EFCAB11: variants seen among roughly 807,000 people sequenced by gnomAD.
EFCAB11 encodes EF-hand calcium-binding domain-containing protein 11.
EFCAB11 carries 14 observed loss-of-function variants against 23.0 expected under a neutral mutation model. The observed-to-expected ratio is 0.61, with a 90% confidence interval of 0.40 to 0.95. The LOEUF (loss-of-function observed/expected upper bound fraction) is 0.95, where lower values mean the gene tolerates loss of function less well. EFCAB11 is among the 40% of genes least tolerant of loss of function. The pLI is 0.00. For missense variants in EFCAB11, 198 were observed against 195.8 expected (o/e 1.01, Z -0.07); for synonymous variants, 65 against 66.6 (o/e 0.98, Z 0.11).
chr14:89,885,539 G>A (rs1258700807), intron 5 of EFCAB11, among the ~76,000 whole-genome samples: 11 of 152,030 alleles, frequency 7.2e-5, no homozygotes, highest in African/African-American at 2.7e-4. Context: ...TTAGCCAGGC[G>A]TGGTAGCGTG....
At chr14:89,886,787 A>C (rs375336342) in intron 5 of EFCAB11, among the ~76,000 whole-genome samples, 1 of 152,196 alleles carries the variant, frequency 6.6e-6, no homozygotes, top group African/African-American at 2.4e-5. Context: ...AAGACTCCTG[A>C]TTTATTGCAG....
At chr14:89,899,221 A>G (rs1428783033) in intron 5 of EFCAB11, among the ~76,000 whole-genome samples, 1 of 152,244 alleles carries the variant, frequency 6.6e-6, no homozygotes, top group African/African-American at 2.4e-5. Context: ...CTAAAAAATC[A>G]TAATTTAAGC....
At chr14:89,836,714 A>T in intron 5 of EFCAB11, 1 of 455,814 alleles carries the variant, frequency 2.2e-6, no homozygotes, top group Non-Finnish European at 4.4e-6. Flanking sequence ...ACCTTGATTT[A>T]TAATGTTTAA....
chr14:89,899,458 T>C (rs1400209414), intron 5 of EFCAB11, among the ~76,000 whole-genome samples: 1 of 152,186 alleles, frequency 6.6e-6, no homozygotes, highest in Admixed American at 6.5e-5. Flanking sequence ...CCCAGGCTTT[T>C]TTCTTTTTTT....
intron 5 of EFCAB11, among the ~76,000 whole-genome samples, chr14:89,822,880 G>A (rs996284416): frequency 1.3e-5 from 2 of 152,174 alleles, no homozygotes; most frequent in African/African-American, 4.8e-5. Flanking sequence ...AAACCAGCCT[G>A]AAAATATCAA....
chr14:89,884,431 T>C (rs1328452606), intron 5 of EFCAB11, among the ~76,000 whole-genome samples: 2 of 152,118 alleles, frequency 1.3e-5, no homozygotes, highest in Admixed American at 1.3e-4. Flanking sequence ...CCCAAAAACC[T>C]ATTGCATATT....
intron 3 of EFCAB11, among the ~76,000 whole-genome samples, chr14:89,940,198 T>C (rs1470212847): frequency 6.6e-6 from 1 of 152,226 alleles, no homozygotes; most frequent in Non-Finnish European, 1.5e-5. Flanking sequence ...GCTACGATTA[T>C]AATTTCAAAA....
chr14:89,907,706 A>G (rs1019257349), intron 5 of EFCAB11, among the ~76,000 whole-genome samples: 8 of 152,200 alleles, frequency 5.3e-5, no homozygotes, highest in Admixed American at 3.9e-4. Flanking sequence ...TCCCTTTTTA[A>G]GGGTACACCT....
chr14:89,844,251 A>G (rs1887362507), intron 5 of EFCAB11, among the ~76,000 whole-genome samples: 1 of 152,184 alleles, frequency 6.6e-6, no homozygotes. Flanking sequence ...TAAAATTAAT[A>G]CTTTTTAATA....
intron 5 of EFCAB11, among the ~76,000 whole-genome samples, chr14:89,806,286 T>C (rs1036329165): frequency 5.3e-5 from 8 of 152,228 alleles, no homozygotes; most frequent in Non-Finnish European, 1.0e-4. Context: ...TTTCAGTATG[T>C]CATTTCGGAT....
chr14:89,889,218 A>C (rs1015482803), intron 5 of EFCAB11, among the ~76,000 whole-genome samples: 1 of 152,228 alleles, frequency 6.6e-6, no homozygotes, highest in African/African-American at 2.4e-5. Flanking sequence ...TCACCATTTT[A>C]AGGAAATGTA....
intron 5 of EFCAB11, among the ~76,000 whole-genome samples, chr14:89,909,938 AGCCTTGGT>A (rs1386230693): frequency 3.3e-5 from 5 of 152,160 alleles, no homozygotes; most frequent in Non-Finnish European, 7.3e-5. Flanking sequence ...CTCTGATGTC[AGCCTTGGT>A]GCCCCCTCCC....
chr14:89,832,482 C>A (rs945690667), intron 5 of EFCAB11, among the ~76,000 whole-genome samples: 1 of 152,168 alleles, frequency 6.6e-6, no homozygotes, highest in African/African-American at 2.4e-5. Context: ...TTTCGCATGA[C>A]GCCTATGTCG....
intron 5 of EFCAB11, among the ~76,000 whole-genome samples, chr14:89,874,195 A>G (rs1189681202): frequency 1.3e-5 from 2 of 152,158 alleles, no homozygotes; most frequent in African/African-American, 2.4e-5. Flanking sequence ...TGGGGCTTAC[A>G]CCCTCTGAAG....
At chr14:89,900,405 G>A (rs773674005) in intron 5 of EFCAB11, among the ~76,000 whole-genome samples, 5 of 152,054 alleles carry the variant, frequency 3.3e-5, no homozygotes, top group Non-Finnish European at 7.4e-5. Flanking sequence ...ATTTTGTTTC[G>A]TAACCTGGGA....
At chr14:89,876,405 T>G (rs1036425508) in intron 5 of EFCAB11, among the ~76,000 whole-genome samples, 1 of 152,140 alleles carries the variant, frequency 6.6e-6, no homozygotes, top group African/African-American at 2.4e-5. Context: ...AATGAGTTAT[T>G]CCTACTCCCA....
intron 5 of EFCAB11, among the ~76,000 whole-genome samples, chr14:89,886,783 C>A (rs1276484317): frequency 6.6e-6 from 1 of 152,074 alleles, no homozygotes; most frequent in African/African-American, 2.4e-5. Context: ...TGGAAAGACT[C>A]CTGATTTATT....
At chr14:89,937,085 T>G (rs1056037784) in intron 3 of EFCAB11, among the ~76,000 whole-genome samples, 1 of 152,254 alleles carries the variant, frequency 6.6e-6, no homozygotes, top group Non-Finnish European at 1.5e-5. Context: ...TTTACCGTGG[T>G]TACAAATTAG....
chr14:89,942,223 G>A (rs1011040918), intron 3 of EFCAB11, among the ~76,000 whole-genome samples: 1 of 152,124 alleles, frequency 6.6e-6, no homozygotes, highest in East Asian at 1.9e-4. Context: ...ATAGCAGTGT[G>A]AAAATGGACT....
Sources: allele counts gnomAD v4.1 joint callset (sites outside exome capture counted in the v4.1 genomes callset), GRCh38; gene constraint gnomAD v4.1.1; transcripts MANE v1.5; gene names NCBI Gene and HGNC (gene_info 2026-07-23, HGNC 2026-07-21).